The following DYNC1LI2 variants were observed in gnomAD, a reference collection of about 807,000 sequenced individuals.
DYNC1LI2 encodes cytoplasmic dynein 1 light intermediate chain 2.
A neutral mutation model predicts 57.8 loss-of-function variants in DYNC1LI2; 19 were observed. The ratio of observed to expected loss-of-function variants is 0.33; its 90% CI spans 0.23 to 0.48. The LOEUF (loss-of-function observed/expected upper bound fraction) is 0.48, where lower values mean the gene tolerates loss of function less well. Ranked by LOEUF, DYNC1LI2 falls within the 20% of genes least tolerant of loss-of-function variation. The pLI is 0.99. For synonymous variants in DYNC1LI2, 256 were observed against 233.4 expected (o/e 1.10, Z -0.88); for missense variants, 470 against 604.2 (o/e 0.78, Z 2.33).
At position 66,749,385 on chromosome 16, in the gene DYNC1LI2, A is replaced by G. The variant is rs572909580; in HGVS notation, c.182-72T>C. ...AAGGATGGGGAGGCATGACACTCAC[A>G]TGACACGGAGAAACTAAGAATTTCA... On this transcript the variant is annotated intron_variant, in intron 2 of 12. Coordinates refer to ENST00000258198, the MANE Select transcript of DYNC1LI2 (RefSeq NM_006141.3). 582 of 1,398,502 alleles carry G rather than the reference A, an allele frequency of 4.2e-4. 5 individuals are homozygous for G. Among genetic ancestry groups the G allele is most frequent in the Non-Finnish European group, 4.0e-5 (40 of 988,782 alleles). The allele number at this position is 1,398,502 out of a possible 1,614,324, so 86.6% of individuals were successfully genotyped here.
chr16:66,732,660 TAAATA>T (rs2017659356), intron 6 of DYNC1LI2, 186 bp from the exon 7 acceptor site: 1 of 426,348 alleles, frequency 2.3e-6, no homozygotes, highest in Non-Finnish European at 3.9e-6. Flanking sequence ...CTGGTAAAAA[TAAATA>T]AATAAATAAA....
rs2017609767 is a variant in DYNC1LI2, at chr16:66,730,150, C to T, written c.1003G>A (p.Ala335Thr). The change falls in exon 8 of 13, where the codon GCA becomes ACA. Residue 335 changes from alanine to threonine, a missense_variant. Coordinates refer to ENST00000258198, the MANE Select transcript of DYNC1LI2 (RefSeq NM_006141.3). ...GGTTTCACAATAAAGTCTTCATATG[C>T]ATCTTCCGGCTTCACGGTTGTAAAA... Reference protein sequence around the residue: ...ENFTTVKPEDAYEDFIVKPPV... With the variant: ...ENFTTVKPEDTYEDFIVKPPV... The T allele has an allele frequency of 1.9e-6, 3 of 1,614,130 alleles. No homozygotes were observed. The highest frequency in any genetic ancestry group is 2.5e-6 in the Non-Finnish European group (3 of 1,180,022).
rs2017587673 is a variant in DYNC1LI2 at position 66,729,094 on chromosome 16, G to C, written c.1047C>G (p.Val349=). The C allele has an allele frequency of 6.2e-7, 1 of 1,614,042 alleles. No homozygotes were observed. Among genetic ancestry groups the C allele is most frequent in the African/African-American group, 1.3e-5 (1 of 75,032 alleles). ...FIVKPPVRKL[V]HDKELAAEDE... is the part of the protein sequence containing the mutation. ...CTTCTGCTGCCAACTCTTTGTCGTG[G>C]ACCAGCTGTGAAACAACATACATGT... Residue 349 remains valine (V), a synonymous_variant, in exon 9 of 13, where the codon GTC becomes GTG. Transcript: ENST00000258198.
At chr16:66,747,384 C>T (rs1187205492) in intron 3 of DYNC1LI2, among the ~76,000 whole-genome samples, 1 of 152,006 alleles carries the variant, frequency 6.6e-6, no homozygotes, top group Admixed American at 6.6e-5. Flanking sequence ...CCACCCATGC[C>T]CTCTACTAAA....
Position 66,725,962 on chromosome 16 carries a change from GA to G in DYNC1LI2, c.1262-19del, listed in dbSNP as rs750892737. 2.1e-5 allele frequency: 34 copies of G among 1,596,556 alleles called. No homozygotes were observed. Among genetic ancestry groups the G allele is most frequent in the Admixed American group, 3.6e-5 (2 of 54,858 alleles). On this transcript the variant is annotated intron_variant, in intron 11 of 12. Transcript: ENST00000258198. ...TGCATTATCTAAGGAAAATTAAAGA[GA>G]AAAAAAAGCATCATATAAACTGGAA...
chr16:66,748,058 G>A (rs1197608542), intron 3 of DYNC1LI2, among the ~76,000 whole-genome samples: 3 of 151,990 alleles, frequency 2.0e-5, no homozygotes, highest in African/African-American at 7.2e-5. Context: ...AGGCTGAGGC[G>A]AGCAGACTGC....
At position 66,751,499 on chromosome 16, in the gene DYNC1LI2, TTCC is replaced by T. The variant is rs1268534154; in HGVS notation, c.90_92del (p.Glu31del). The T allele has an allele frequency of 1.9e-6, 3 of 1,588,822 alleles. No homozygotes were observed. Among genetic ancestry groups the T allele is most frequent in the East Asian group, 4.8e-5 (2 of 41,476 alleles). ...CGCGGCCTCACCATAGGCTCTGGCC[TTCC>T]TCCTCCTCACTGGTCAGGTCGCCGG... is the stretch of plus-strand genomic sequence containing the variant. On this transcript the variant is annotated inframe_deletion, in exon 1 of 13. Coordinates refer to ENST00000258198, the MANE Select transcript of DYNC1LI2 (RefSeq NM_006141.3). The surrounding 1 kb of genome is among the most constrained non-coding windows in gnomAD (Gnocchi z 5.2).
At chr16:66,749,703 C>T (rs368222682) in intron 2 of DYNC1LI2, among the ~76,000 whole-genome samples, 106 of 152,264 alleles carry the variant, frequency 7.0e-4, no homozygotes, top group African/African-American at 2.3e-3. Flanking sequence ...AAATATGATA[C>T]AATTAACCTA....
At chr16:66,749,416 A>G in intron 2 of DYNC1LI2, 103 bp from the exon 3 acceptor site, 1 of 1,165,854 alleles carries the variant, frequency 8.6e-7, no homozygotes. Context: ...TTTCATGCAA[A>G]GTCTGCTGTT....
chr16:66,748,768 A>G (rs1474703436), intron 3 of DYNC1LI2, among the ~76,000 whole-genome samples: 2 of 152,054 alleles, frequency 1.3e-5, no homozygotes, highest in Non-Finnish European at 2.9e-5. Flanking sequence ...GATTCAGGAA[A>G]CTCTCCTATT....
rs1165573989 is a variant in DYNC1LI2, at chr16:66,742,573, G to C, written c.394C>G (p.Leu132Val). 1.2e-6 allele frequency: 2 copies of C among 1,614,220 alleles called. No individual in the cohort carries two copies. Among genetic ancestry groups the C allele is most frequent in the South Asian group, 2.2e-5 (2 of 91,086 alleles). The change falls in exon 4 of 13, where the codon CTC becomes GTC. Residue 132 changes from leucine (L) to valine (V), a missense_variant. Coordinates refer to ENST00000258198, the MANE Select transcript of DYNC1LI2 (RefSeq NM_006141.3). ...AVSAESLPETLVIFVADMSRP... is the reference protein window; with the variant it reads ...AVSAESLPETVVIFVADMSRP... Reference sequence around the variant, plus strand: ...GACATGTCTGCAACAAAAATGACGAGGGTCTCTGGCAAGGATTCAGCAGAA... The same window carrying C: ...GACATGTCTGCAACAAAAATGACGACGGTCTCTGGCAAGGATTCAGCAGAA...
chr16:66,735,771 G>T (rs1271998630), intron 5 of DYNC1LI2, among the ~76,000 whole-genome samples: 1 of 152,112 alleles, frequency 6.6e-6, no homozygotes, highest in Non-Finnish European at 1.5e-5. Context: ...CTCCCAAAGT[G>T]CTGAGATTAC....
chr16:66,728,846 G>A (rs1322675374), intron 9 of DYNC1LI2, among the ~76,000 whole-genome samples, 194 bp downstream of exon 9: 4 of 152,342 alleles, frequency 2.6e-5, no homozygotes, highest in Admixed American at 2.6e-4. Flanking sequence ...AAGGCAGGTA[G>A]GTGATCTCCT....
At chr16:66,743,095 G>C (rs1441660601) in intron 3 of DYNC1LI2, among the ~76,000 whole-genome samples, 3 of 152,102 alleles carry the variant, frequency 2.0e-5, no homozygotes, top group Non-Finnish European at 4.4e-5. Flanking sequence ...CCAGGAAGTA[G>C]AGGTTGCGAT....
intron 5 of DYNC1LI2, among the ~76,000 whole-genome samples, chr16:66,735,144 T>C (rs1386853054): frequency 4.0e-5 from 6 of 148,212 alleles, no homozygotes; most frequent in Non-Finnish European, 4.5e-5. Context: ...CACTGTGTCA[T>C]CCCGGATGGA....
chr16:66,745,789 A>G (rs1279825952), intron 3 of DYNC1LI2, among the ~76,000 whole-genome samples: 1 of 151,880 alleles, frequency 6.6e-6, no homozygotes, highest in Non-Finnish European at 1.5e-5. Flanking sequence ...CTGTAGTCCC[A>G]GCTACTCGGG....
chr16:66,727,841 TAAC>T (rs1439583731), intron 10 of DYNC1LI2, 36 bp from the exon 11 acceptor site: 1 of 1,543,490 alleles, frequency 6.5e-7, no homozygotes, highest in Admixed American at 1.9e-5. Context: ...CACACAGGCA[TAAC>T]AATAACAAAA....
intron 6 of DYNC1LI2, 163 bp from the exon 7 acceptor site, chr16:66,732,637 G>A (rs2017658852): frequency 5.3e-6 from 3 of 561,616 alleles, no homozygotes; most frequent in South Asian, 4.4e-5. Context: ...GTATTACATA[G>A]GCATACTGCA....
Position 66,729,073 on chromosome 16 carries a change from T to G in DYNC1LI2, c.1068A>C (p.Ala356=). The change falls in exon 9 of 13, where the codon GCA becomes GCC. Residue 356 remains alanine, a synonymous_variant. Coordinates refer to ENST00000258198, the MANE Select transcript of DYNC1LI2 (RefSeq NM_006141.3). ...TCATTAGGAACACCTGCTCATCTTC[T>G]GCTGCCAACTCTTTGTCGTGGACCA... is the stretch of plus-strand genomic sequence containing the variant. ...RKLVHDKELA[A]EDEQVFLMKQ... 1 of 1,614,224 alleles carries G rather than the reference T, an allele frequency of 6.2e-7. No homozygotes were observed. The highest frequency in any genetic ancestry group is 8.5e-7 in the Non-Finnish European group (1 of 1,180,040).
Sources: allele counts gnomAD v4.1 joint callset (sites outside exome capture counted in the v4.1 genomes callset), GRCh38; gene constraint gnomAD v4.1.1; non-coding constraint Gnocchi (gnomAD v3.1); transcripts MANE v1.5; gene names NCBI Gene and HGNC (gene_info 2026-07-23, HGNC 2026-07-21).